VPS28: variants seen among roughly 807,000 people sequenced by gnomAD.
VPS28 encodes vacuolar protein sorting-associated protein 28 homolog.
A neutral mutation model predicts 33.7 loss-of-function variants in VPS28; 29 were observed. That is an observed-to-expected ratio of 0.86 (90% CI 0.64 to 1.17). The LOEUF (loss-of-function observed/expected upper bound fraction) is 1.17. Among genes scored for constraint, VPS28 ranks in the 50% most tolerant of loss-of-function variants. The probability of loss-of-function intolerance (pLI) is 0.00; values close to 1 mark genes in which losing one functional copy is unlikely to be tolerated. For missense variants in VPS28, 247 were observed against 312.2 expected (o/e 0.79, Z 1.57); for synonymous variants, 164 against 116.7 (o/e 1.40, Z -2.61).
intron 5 of VPS28, 76 bp from the exon 6 acceptor site, chr8:144,425,127 A>C: frequency 7.4e-7 from 1 of 1,355,904 alleles, no homozygotes; most frequent in Non-Finnish European, 1.0e-6. Flanking sequence ...GCTGGTCCAG[A>C]GGCAAAGCAG....
chr8:144,424,376 A>G lies in VPS28; in HGVS notation c.403-108T>C, dbSNP rs758072209. The G allele has an allele frequency of 2.9e-4, 413 of 1,407,318 alleles. 2 individuals are homozygous for G. The highest frequency in any genetic ancestry group is 1.0e-3 in the Middle Eastern group (4 of 3,852). 87.2% of individuals were successfully genotyped at this position (1,407,318 alleles called of 1,614,324 possible). A position where few individuals can be genotyped will look rare whatever the true frequency, so the allele number is the denominator to read the frequency against. ...CCACAGCTGTCACTTGGGCCTCCTC[A>G]CTGTACTCTGTTCCCAAACCCTGCA... is the stretch of plus-strand genomic sequence containing the variant. On this transcript the variant is annotated intron_variant, in intron 7 of 9. Transcript: ENST00000292510.
intron 2 of VPS28, chr8:144,426,509 G>T (rs546367936): frequency 2.2e-6 from 1 of 449,520 alleles, no homozygotes; most frequent in African/African-American, 2.0e-5. Context: ...CTCCCCGGGG[G>T]ACCGCATGAC....
At chr8:144,427,510 G>A (rs981703878) in intron 1 of VPS28, among the ~76,000 whole-genome samples, 4 of 152,136 alleles carry the variant, frequency 2.6e-5, no homozygotes, top group Non-Finnish European at 5.9e-5. Context: ...CAAGCTGGAG[G>A]TTGAGGGAGG....
At chr8:144,426,411 G>T in intron 2 of VPS28, 1 of 647,230 alleles carries the variant, frequency 1.5e-6, no homozygotes, top group Non-Finnish European at 2.4e-6. Context: ...TGAGAAGCCG[G>T]GGGCCGCATG....
chr8:144,423,643 G>T lies in VPS28; in HGVS notation c.*162C>A. The T allele has an allele frequency of 1.1e-6, 1 of 898,566 alleles. No homozygotes were observed. Among genetic ancestry groups the T allele is most frequent in the Non-Finnish European group, 1.7e-6 (1 of 585,236 alleles). 55.7% of individuals were successfully genotyped at this position (898,566 alleles called of 1,614,324 possible). A position where few individuals can be genotyped will look rare whatever the true frequency, so the allele number is the denominator to read the frequency against. ...AAGGTCGGAGAGCATCTTTATTGTG[G>T]GGAGGGGCCCGGCCCCCAAAGTTCT... On this transcript the variant is annotated 3_prime_UTR_variant, in exon 10 of 10. Coordinates refer to ENST00000292510, the MANE Select transcript of VPS28 (RefSeq NM_016208.4).
In VPS28 at chr8:144,424,079, G is replaced by A. The variant is rs1564717093; in HGVS notation, c.510C>T (p.Leu170=). 1.3e-6 allele frequency: 2 copies of A among 1,564,920 alleles called. No individual in the cohort carries two copies. Among genetic ancestry groups the A allele is most frequent in the Admixed American group, 3.5e-5 (2 of 56,714 alleles). ...LMETMHRMSH[L]PPDFEGRQTV... ...TCTGGCGGCCCTCAAAGTCGGGTGG[G>A]AGGTGGCTCATGCGGTGCATGGTCT... The change falls in exon 9 of 10, where the codon CTC becomes CTT. Residue 170 remains leucine, a synonymous_variant. Transcript: ENST00000292510.
chr8:144,426,503 C>G, intron 2 of VPS28: 1 of 467,734 alleles, frequency 2.1e-6, no homozygotes, highest in Non-Finnish European at 3.8e-6. Context: ...CTGCGGCTCC[C>G]CGGGGGACCG....
chr8:144,426,159 G>T (rs782025290), intron 3 of VPS28, 21 bp downstream of exon 3: 3 of 1,603,266 alleles, frequency 1.9e-6, no homozygotes, highest in South Asian at 2.2e-5. Context: ...AATGCCGGCC[G>T]GGTGGGCACC....
chr8:144,428,290 C>A (rs1017725789), intron 1 of VPS28, among the ~76,000 whole-genome samples, 199 bp downstream of exon 1: 1 of 152,242 alleles, frequency 6.6e-6, no homozygotes, highest in African/African-American at 2.4e-5. Context: ...GTTCTGCGGC[C>A]ACAAGCAAAT....
intron 1 of VPS28, chr8:144,427,318 C>G (rs1218829839): frequency 1.2e-5 from 2 of 172,186 alleles, no homozygotes; most frequent in African/African-American, 4.8e-5. Flanking sequence ...AAACGAACAA[C>G]AAAAAAAACC....
At chr8:144,428,433 T>A (rs1043214997) in intron 1 of VPS28, 56 bp downstream of exon 1, 4 of 152,250 alleles carry the variant, frequency 2.6e-5, no homozygotes, top group Non-Finnish European at 4.4e-5. Context: ...TGCCAGGCCC[T>A]GAGTCGCCTC....
chr8:144,425,809 G>A (rs1554876583), intron 4 of VPS28, 37 bp from the exon 5 acceptor site: 3 of 1,612,878 alleles, frequency 1.9e-6, no homozygotes, highest in East Asian at 4.5e-5. Flanking sequence ...AGGCCCCGGG[G>A]TGCCAAGCCT....
Position 144,423,643 on chromosome 8 carries a change from G to A in VPS28, c.*162C>T. The A allele has an allele frequency of 1.1e-6, 1 of 898,568 alleles. No individual in the cohort carries two copies. The highest frequency in any genetic ancestry group is 1.7e-6 in the Non-Finnish European group (1 of 585,238). The allele number at this position is 898,568 out of a possible 1,614,324, so 55.7% of individuals were successfully genotyped here. The stretch of plus-strand genomic sequence containing the variant: ...AAGGTCGGAGAGCATCTTTATTGTG[G>A]GGAGGGGCCCGGCCCCCAAAGTTCT... On this transcript the variant is annotated 3_prime_UTR_variant, in exon 10 of 10. Transcript: ENST00000292510.
intron 9 of VPS28, 46 bp from the exon 10 acceptor site, chr8:144,423,968 C>T: frequency 6.2e-7 from 1 of 1,611,388 alleles, no homozygotes; most frequent in South Asian, 1.1e-5. Flanking sequence ...GCCTCAGGGG[C>T]ACTGCGGGGC....
Position 144,426,014 on chromosome 8 carries a change from G to A in VPS28, c.104+12C>T, listed in dbSNP as rs909736389. The A allele has an allele frequency of 2.0e-5, 30 of 1,509,230 alleles. No individual in the cohort carries two copies. The highest frequency in any genetic ancestry group is 2.5e-5 in the South Asian group (2 of 79,704). The allele number at this position is 1,509,230 out of a possible 1,614,324, so 93.5% of individuals were successfully genotyped here. On this transcript the variant is annotated intron_variant, in intron 4 of 9. Transcript: ENST00000292510. ...ATGGGTGTGTTGGGACAGCCTGGGC[G>A]CCTGGACTTACTTCTCCCTCTCCCG...
rs1315510953 is a variant in VPS28, at chr8:144,423,746, G to A, written c.*59C>T. 7.5e-6 allele frequency: 12 copies of A among 1,603,082 alleles called. No individual in the cohort carries two copies. The highest frequency in any genetic ancestry group is 2.7e-5 in the African/African-American group (2 of 74,722). On this transcript the variant is annotated 3_prime_UTR_variant, in exon 10 of 10. Transcript: ENST00000292510. ...TGACCACGGCCTGTGTGGCGGACAG[G>A]GGACCAGGAGCCATCGCCTCAGACT...
intron 1 of VPS28, among the ~76,000 whole-genome samples, chr8:144,428,169 G>A (rs1380982450): frequency 6.6e-6 from 1 of 152,226 alleles, no homozygotes; most frequent in Non-Finnish European, 1.5e-5. Context: ...CGAGCCGCGG[G>A]GTGGGGACCG....
At position 144,426,165 on chromosome 8, in the gene VPS28, G is replaced by A. The variant is rs1554876713; in HGVS notation, c.66+15C>T. ...CTGTTGGCCAATGCCGGCCGGGTGGGCACCCACCACTCACCTCATACAGCT... is the reference window on the plus strand; with the variant it reads ...CTGTTGGCCAATGCCGGCCGGGTGGACACCCACCACTCACCTCATACAGCT... On this transcript the variant is annotated intron_variant, in intron 3 of 9. Coordinates refer to ENST00000292510, the MANE Select transcript of VPS28 (RefSeq NM_016208.4). The A allele has an allele frequency of 1.9e-6, 3 of 1,604,766 alleles. No homozygotes were observed. Among genetic ancestry groups the A allele is most frequent in the Non-Finnish European group, 2.6e-6 (3 of 1,176,074 alleles).
In VPS28 at chr8:144,424,956, C is replaced by T. The variant is rs781982468; in HGVS notation, c.290G>A (p.Arg97His). Reference sequence around the variant, plus strand: ...GGACCAGGCACTCACGCGGAACTTGCGGCAGAATTCGTCAATAGAGCTGAT... The same window carrying T: ...GGACCAGGCACTCACGCGGAACTTGTGGCAGAATTCGTCAATAGAGCTGAT... ...SEISSIDEFC[R>H]KFRLDCPLAM... is the part of the protein sequence containing the mutation. Residue 97 changes from arginine (R) to histidine (H), a missense_variant, in exon 6 of 10, where the codon CGC becomes CAC. Arg to His is a conservative substitution (Grantham distance 29). Coordinates refer to ENST00000292510, the MANE Select transcript of VPS28 (RefSeq NM_016208.4). 3.2e-5 allele frequency: 51 copies of T among 1,572,854 alleles called. No individual in the cohort carries two copies. The highest frequency in any genetic ancestry group is 2.7e-4 in the Admixed American group (14 of 52,728).
Sources: allele counts gnomAD v4.1 joint callset (sites outside exome capture counted in the v4.1 genomes callset), GRCh38; gene constraint gnomAD v4.1.1; transcripts MANE v1.5; gene names NCBI Gene and HGNC (gene_info 2026-07-23, HGNC 2026-07-21).